Variants in ATXN1 observed in about 807,000 individuals in gnomAD.
ATXN1 encodes the protein ataxin 1, also known as ataxin-1.
In ATXN1, 8 loss-of-function variants were observed where a neutral mutation model predicts 56.4. The ratio of observed to expected loss-of-function variants is 0.14; its 90% CI spans 0.08 to 0.26. The LOEUF is 0.26. ATXN1 is among the 10% of genes least tolerant of loss of function. The pLI is 1.00. For missense variants in ATXN1, 987 were observed against 1,106.5 expected (o/e 0.89, Z 1.53); for synonymous variants, 514 against 494.6 (o/e 1.04, Z -0.52).
chr6:16,307,515 A>T (rs1287614573), intron 7 of ATXN1, among the ~76,000 whole-genome samples: 3 of 151,870 alleles, frequency 2.0e-5, no homozygotes, highest in Non-Finnish European at 4.4e-5. Context: ...CTAAAAATAA[A>T]AAAAAAAAAT....
intron 7 of ATXN1, among the ~76,000 whole-genome samples, chr6:16,309,079 A>G (rs967202481): frequency 1.3e-5 from 2 of 151,806 alleles, no homozygotes; most frequent in African/African-American, 4.8e-5. Context: ...ATTTAAAAAA[A>G]AATAGCCTAG....
intron 2 of ATXN1, among the ~76,000 whole-genome samples, chr6:16,745,259 TGA>T (rs1760485653): frequency 3.9e-5 from 6 of 152,228 alleles, no homozygotes; most frequent in Admixed American, 3.9e-4. Flanking sequence ...CCTTCTGATG[TGA>T]GTGTGTCCTC....
intron 7 of ATXN1, among the ~76,000 whole-genome samples, chr6:16,320,134 G>A (rs575090181): frequency 1.5e-4 from 23 of 152,242 alleles, no homozygotes; most frequent in African/African-American, 5.1e-4. Context: ...CTCATGTGCC[G>A]CCTGCATGAG....
At chr6:16,365,976 T>A (rs982792244) in intron 6 of ATXN1, among the ~76,000 whole-genome samples, 6 of 152,170 alleles carry the variant, frequency 3.9e-5, no homozygotes, top group Non-Finnish European at 7.3e-5. Context: ...ATTGTAAAAT[T>A]TTTTTCTGCT....
rs989704940 is a variant in ATXN1 at position 16,304,362 on chromosome 6, G to T, written c.*1967C>A. On this transcript the variant is annotated 3_prime_UTR_variant, in exon 8 of 8. Transcript: ENST00000436367. ...CACAAATGATATTTCGGATCTCTGG[G>T]AATGAAAGGTTTAAAAACTATGAAA... is the stretch of plus-strand genomic sequence containing the variant. 4 of 151,310 alleles carry T rather than the reference G, an allele frequency of 2.6e-5. No homozygotes were observed. The highest frequency in any genetic ancestry group is 5.9e-5 in the Non-Finnish European group (4 of 67,838). 9.4% of individuals were successfully genotyped at this position (151,310 alleles called of 1,614,324 possible). A position where few individuals can be genotyped will look rare whatever the true frequency, so the allele number is the denominator to read the frequency against.
At chr6:16,634,118 T>C (rs1763552372) in intron 3 of ATXN1, among the ~76,000 whole-genome samples, 1 of 152,206 alleles carries the variant, frequency 6.6e-6, no homozygotes, top group Non-Finnish European at 1.5e-5. Flanking sequence ...GAAATGCCCT[T>C]TTGTCTTCTT....
At chr6:16,634,004 T>G (rs1453360910) in intron 3 of ATXN1, among the ~76,000 whole-genome samples, 2 of 152,236 alleles carry the variant, frequency 1.3e-5, no homozygotes, top group African/African-American at 4.8e-5. Flanking sequence ...TGCTTCTGAT[T>G]ACCTACCTGT....
intron 2 of ATXN1, among the ~76,000 whole-genome samples, chr6:16,702,879 T>C (rs917360177): frequency 6.6e-6 from 1 of 152,170 alleles, no homozygotes; most frequent in African/African-American, 2.4e-5. Context: ...TTACACTGTT[T>C]GTGGGACTGT....
intron 6 of ATXN1, among the ~76,000 whole-genome samples, chr6:16,351,461 G>C (rs34183749): frequency 0.073 from 10,927 of 150,222 alleles, 570 homozygotes; most frequent in East Asian, 0.23. Flanking sequence ...GGAGTGCAGT[G>C]GCCCAATCTT....
At chr6:16,483,929 G>C (rs534738622) in intron 6 of ATXN1, among the ~76,000 whole-genome samples, 1 of 152,282 alleles carries the variant, frequency 6.6e-6, no homozygotes, top group Admixed American at 6.5e-5. Context: ...CACCAGAAGT[G>C]CATTCTAACA....
At chr6:16,748,757 T>C (rs1258218810) in intron 2 of ATXN1, among the ~76,000 whole-genome samples, 1 of 152,166 alleles carries the variant, frequency 6.6e-6, no homozygotes, top group Non-Finnish European at 1.5e-5. Context: ...TGTCTTAACC[T>C]TCTTGTCTTT....
chr6:16,696,190 A>G (rs1018547491), intron 2 of ATXN1, among the ~76,000 whole-genome samples: 1 of 152,188 alleles, frequency 6.6e-6, no homozygotes, highest in Non-Finnish European at 1.5e-5. Context: ...GAATTAATGT[A>G]TATGATTCAG....
intron 2 of ATXN1, among the ~76,000 whole-genome samples, chr6:16,704,058 G>A (rs9477209): frequency 0.039 from 5,912 of 152,270 alleles, 320 homozygotes; most frequent in African/African-American, 0.12. Flanking sequence ...TAAAGCAGCA[G>A]CTTTTATGTT....
rs186815452 is a variant in ATXN1, at chr6:16,517,941, A to G, written c.-299+4686T>C. 4.6e-5 allele frequency among the ~76,000 whole-genome samples: 7 copies of G among 152,336 alleles called. No individual in the cohort carries two copies. In the East Asian group the frequency reaches 1.3e-3, roughly 29 times the overall value. On this transcript the variant is annotated intron_variant, in intron 5 of 7. Coordinates refer to ENST00000436367, the MANE Select transcript of ATXN1 (RefSeq NM_001128164.2). ...TGAGCAGAGGCATCAAACAACATCT[A>G]TGTGTTTATTCATTCAACAAATATT...
At chr6:16,703,429 A>T (rs1329660831) in intron 2 of ATXN1, among the ~76,000 whole-genome samples, 8 of 152,326 alleles carry the variant, frequency 5.3e-5, no homozygotes, top group African/African-American at 1.7e-4. Flanking sequence ...ATGTATACAT[A>T]TGTAACAAAC....
At chr6:16,753,034 C>A in intron 2 of ATXN1, 199 bp downstream of exon 2, 1 of 342,792 alleles carries the variant, frequency 2.9e-6, no homozygotes, top group South Asian at 2.2e-5. Flanking sequence ...TAGATTAAAC[C>A]AAATAGATAG....
intron 3 of ATXN1, among the ~76,000 whole-genome samples, chr6:16,594,984 AC>A (rs769598602): frequency 1.3e-5 from 2 of 152,194 alleles, no homozygotes; most frequent in African/African-American, 2.4e-5. Context: ...ACTCCCCATG[AC>A]CTTCTTTCCT....
intron 2 of ATXN1, among the ~76,000 whole-genome samples, chr6:16,721,152 C>G (rs557134871): frequency 6.6e-6 from 1 of 152,176 alleles, no homozygotes; most frequent in Non-Finnish European, 1.5e-5. Context: ...TACTCAATTA[C>G]TCACACATTT....
At chr6:16,582,888 G>A (rs1762554393) in intron 4 of ATXN1, among the ~76,000 whole-genome samples, 1 of 152,166 alleles carries the variant, frequency 6.6e-6, no homozygotes, top group Non-Finnish European at 1.5e-5. Context: ...CCATATGGTA[G>A]TGTTATTACC....
Sources: allele counts gnomAD v4.1 joint callset (sites outside exome capture counted in the v4.1 genomes callset), GRCh38; gene constraint gnomAD v4.1.1; transcripts MANE v1.5; gene names NCBI Gene and HGNC (gene_info 2026-07-23, HGNC 2026-07-21).